SLX4IP: variants seen among roughly 807,000 people sequenced by gnomAD.
The protein encoded by SLX4IP is SLX4 interacting protein.
Under a neutral mutation model 32.9 loss-of-function variants are expected in SLX4IP, and 34 were observed. The ratio of observed to expected loss-of-function variants is 1.03; its 90% confidence interval spans 0.79 to 1.38. The LOEUF is 1.38. Among genes scored for constraint, SLX4IP ranks in the 40% most tolerant of loss-of-function variants. SLX4IP has a pLI of 0.00. For synonymous variants in SLX4IP, 172 were observed against 171.7 expected, an observed-to-expected ratio of 1.00 and a Z score of -0.01; for missense variants, 444 against 479.0, an observed-to-expected ratio of 0.93 and a Z score of 0.68.
At chr20:10,535,616 C>T (rs1049899688) in intron 2 of SLX4IP, among the ~76,000 whole-genome samples, 2 of 152,138 alleles carry the variant, frequency 1.3e-5, no homozygotes, top group African/African-American at 2.4e-5. Flanking sequence ...CTACTGCGCC[C>T]GGCCCAAGAA....
In SLX4IP at chr20:10,569,776, T is replaced by G. The variant is rs768481932; in HGVS notation, c.238+8956T>G. Among the ~76,000 whole-genome samples, 257 of 152,210 alleles carry G rather than the reference T, an allele frequency of 1.7e-3. 1 individual carries two copies. The highest frequency in any genetic ancestry group is 3.1e-3 in the Non-Finnish European group (212 of 68,044). On this transcript the variant is annotated intron_variant, in intron 4 of 7. Coordinates refer to ENST00000334534, the MANE Select transcript of SLX4IP (RefSeq NM_001009608.3). ...TCTCTCCTTGGCTTGTCGATGGCCG[T>G]CCTCTCCCTTTGTCTTCACATAATT...
At chr20:10,542,240 G>A (rs2066115646) in intron 2 of SLX4IP, among the ~76,000 whole-genome samples, 1 of 152,096 alleles carries the variant, frequency 6.6e-6, no homozygotes, top group Non-Finnish European at 1.5e-5. Context: ...TGGGTTGAGT[G>A]GCCAGTGCAC....
rs563148071 is a variant in SLX4IP at position 10,510,143 on chromosome 20, A to C, written c.28-46088A>C. 6.6e-5 allele frequency among the ~76,000 whole-genome samples: 10 copies of C among 152,362 alleles called. No homozygotes were observed. In the South Asian group the frequency reaches 2.1e-3, roughly 32 times the overall value. Reference sequence around the variant, plus strand: ...CAGAATTAAAAGGAAGAATAACAATATAATTTTAAATTTTTAAAATTTCCT... The same window carrying C: ...CAGAATTAAAAGGAAGAATAACAATCTAATTTTAAATTTTTAAAATTTCCT... On this transcript the variant is annotated intron_variant, in intron 2 of 7. Transcript: ENST00000334534.
chr20:10,624,013 G>A lies in SLX4IP; in HGVS notation c.*634G>A, dbSNP rs905269075. Reference sequence around the variant, plus strand: ...CCCCAGTGCTTCCTGCAGCCTGGTTGCCATGGCCTCCAGCTCACCAGTTGG... The same window carrying A: ...CCCCAGTGCTTCCTGCAGCCTGGTTACCATGGCCTCCAGCTCACCAGTTGG... On this transcript the variant is annotated 3_prime_UTR_variant, in exon 8 of 8. Transcript: ENST00000334534. The A allele has an allele frequency of 3.9e-5, 6 of 152,484 alleles. No homozygotes were observed. Among genetic ancestry groups the A allele is most frequent in the South Asian group, 2.1e-4 (1 of 4,834 alleles). The allele number at this position is 152,484 out of a possible 1,614,324, so 9.4% of individuals were successfully genotyped here.
chr20:10,547,483 C>T lies in SLX4IP; in HGVS notation c.28-8748C>T, dbSNP rs560113566. On this transcript the variant is annotated intron_variant, in intron 2 of 7. Coordinates refer to ENST00000334534, the MANE Select transcript of SLX4IP (RefSeq NM_001009608.3). Reference sequence around the variant, plus strand: ...CACTCTCCCAAGCATCCCTTTAACCCGAAAAACTCAAGCTTAAAGAACTAG... The same window carrying T: ...CACTCTCCCAAGCATCCCTTTAACCTGAAAAACTCAAGCTTAAAGAACTAG... 5.3e-5 allele frequency among the ~76,000 whole-genome samples: 8 copies of T among 152,266 alleles called. No homozygotes were observed. In the South Asian group the frequency reaches 6.2e-4, roughly 12 times the overall value.
At chr20:10,589,498 C>A (rs763077905) in intron 4 of SLX4IP, among the ~76,000 whole-genome samples, 9 of 152,064 alleles carry the variant, frequency 5.9e-5, no homozygotes, top group Non-Finnish European at 1.0e-4. Flanking sequence ...AAATAAAGCT[C>A]AGGTAATTAA....
chr20:10,550,717 T>C (rs2066209856), intron 2 of SLX4IP, among the ~76,000 whole-genome samples: 1 of 152,224 alleles, frequency 6.6e-6, no homozygotes, highest in African/African-American at 2.4e-5. Flanking sequence ...CCTGTGTTTC[T>C]GCATTGAGAC....
At chr20:10,587,174 G>A (rs1213039154) in intron 4 of SLX4IP, among the ~76,000 whole-genome samples, 1 of 151,922 alleles carries the variant, frequency 6.6e-6, no homozygotes, top group African/African-American at 2.4e-5. Context: ...TGGCAATATA[G>A]AAAACAAAAT....
intron 4 of SLX4IP, among the ~76,000 whole-genome samples, chr20:10,564,592 T>C (rs975653008): frequency 1.3e-5 from 2 of 152,212 alleles, no homozygotes; most frequent in Non-Finnish European, 2.9e-5. Context: ...TATAATAATA[T>C]TAATATTTTT....
chr20:10,500,621 G>T (rs542700749), intron 2 of SLX4IP, among the ~76,000 whole-genome samples: 3 of 152,232 alleles, frequency 2.0e-5, no homozygotes, highest in Non-Finnish European at 2.9e-5. Flanking sequence ...GCGTGGTGGT[G>T]CACACCTGTA....
At chr20:10,588,387 TTGCATGCTTTTGATGG>T (rs1310116612) in intron 4 of SLX4IP, among the ~76,000 whole-genome samples, 12 of 152,170 alleles carry the variant, frequency 7.9e-5, no homozygotes, top group African/African-American at 2.9e-4. Context: ...AAGGGAACCC[TTGCATGCTTTTGATGG>T]GAGTGTAAAT....
intron 2 of SLX4IP, among the ~76,000 whole-genome samples, chr20:10,503,860 C>T (rs1329034143): frequency 6.6e-6 from 1 of 152,158 alleles, no homozygotes; most frequent in Non-Finnish European, 1.5e-5. Flanking sequence ...CAGCTCTTCT[C>T]TCTGTGTCTC....
At chr20:10,598,015 G>A (rs2066793591) in intron 4 of SLX4IP, among the ~76,000 whole-genome samples, 1 of 152,198 alleles carries the variant, frequency 6.6e-6, no homozygotes, top group African/African-American at 2.4e-5. Flanking sequence ...GGTATGAACT[G>A]CTTCTTTTTA....
rs538684426 is a variant in SLX4IP at position 10,466,454 on chromosome 20, C to G, written c.27+8223C>G. Among the ~76,000 whole-genome samples the G allele has an allele frequency of 8.5e-5, 13 of 152,288 alleles. No homozygotes were observed. In the East Asian group the frequency reaches 1.9e-3, roughly 23 times the overall value. ...TTTCTCTGCTGCTTCCCTTCCCCCC[C>G]AACCTACTTTATTGTGGGTGGGAAA... On this transcript the variant is annotated intron_variant, in intron 2 of 7. Transcript: ENST00000334534.
chr20:10,444,657 T>C (rs898194654), intron 1 of SLX4IP, among the ~76,000 whole-genome samples: 1 of 152,178 alleles, frequency 6.6e-6, no homozygotes, highest in Non-Finnish European at 1.5e-5. Flanking sequence ...ATTACAGACA[T>C]GAGCCACCGC....
At chr20:10,472,280 G>A (rs2065431168) in intron 2 of SLX4IP, among the ~76,000 whole-genome samples, 1 of 148,540 alleles carries the variant, frequency 6.7e-6, no homozygotes, top group Non-Finnish European at 1.5e-5. Flanking sequence ...GCCCAGGCTC[G>A]AGTGCAGTGG....
At chr20:10,603,654 A>G (rs1420119503) in intron 6 of SLX4IP, among the ~76,000 whole-genome samples, 1 of 151,372 alleles carries the variant, frequency 6.6e-6, no homozygotes, top group African/African-American at 2.4e-5. Flanking sequence ...TCACATATAC[A>G]TTTTCCCAGC....
At chr20:10,585,103 C>T (rs2066630515) in intron 4 of SLX4IP, among the ~76,000 whole-genome samples, 1 of 152,198 alleles carries the variant, frequency 6.6e-6, no homozygotes, top group African/African-American at 2.4e-5. Flanking sequence ...ATGTTTTCCC[C>T]TGAAGCTCCT....
chr20:10,598,470 G>T (rs184781167), intron 4 of SLX4IP, among the ~76,000 whole-genome samples: 1 of 152,156 alleles, frequency 6.6e-6, no homozygotes, highest in Non-Finnish European at 1.5e-5. Context: ...CACCATGTTG[G>T]CCAGGCTGGT....
Sources: gnomAD v4.1 joint callset for allele counts (sites outside exome capture counted in the v4.1 genomes callset) on GRCh38, gnomAD v4.1.1 for gene constraint, MANE v1.5 for transcripts, NCBI Gene and HGNC (gene_info 2026-07-23, HGNC 2026-07-21) for gene names.